C4orf50: variants seen among roughly 807,000 people sequenced by gnomAD.
The protein encoded by C4orf50 is chromosome 4 open reading frame 50, also known as uncharacterized protein C4orf50.
A neutral mutation model predicts 77.2 loss-of-function variants in C4orf50; 80 were observed. The ratio of observed to expected loss-of-function variants is 1.04; its 90% CI spans 0.87 to 1.25. C4orf50 has a LOEUF of 1.25. Ranked by LOEUF, C4orf50 falls within the 50% of genes most tolerant of loss-of-function variation. The pLI, the probability that C4orf50 is intolerant of heterozygous loss-of-function variation, is 0.00. For missense variants in C4orf50, 1,257 were observed against 1,152.9 expected (o/e 1.09, Z -1.31); for synonymous variants, 532 against 465.3 (o/e 1.14, Z -1.84).
At chr4:5,962,244 T>C (rs570414532) in intron 33 of C4orf50, among the ~76,000 whole-genome samples, 5 of 152,348 alleles carry the variant, frequency 3.3e-5, no homozygotes, top group African/African-American at 1.2e-4. Context: ...AAATTGACAT[T>C]CTGCCATCTT....
At chr4:5,917,802 C>T (rs1459926399) in intron 7 of C4orf50, among the ~76,000 whole-genome samples, 1 of 152,110 alleles carries the variant, frequency 6.6e-6, no homozygotes, top group Non-Finnish European at 1.5e-5. Context: ...AGCACTCCAG[C>T]ATTTCAGCTG....
At chr4:6,010,205 T>A (rs146140441) in intron 24 of C4orf50, among the ~76,000 whole-genome samples, 211 of 151,624 alleles carry the variant, frequency 1.4e-3, no homozygotes, top group African/African-American at 5.0e-3. Flanking sequence ...GGCAGAGGAG[T>A]CCCACTCAAC....
At chr4:5,902,140 A>C (rs1255845077) in intron 7 of C4orf50, 1 of 152,220 alleles carries the variant, frequency 6.6e-6, no homozygotes, top group African/African-American at 2.4e-5. Context: ...GGAAGCTGGA[A>C]ACCACACTTT....
intron 7 of C4orf50, among the ~76,000 whole-genome samples, chr4:5,909,830 G>T (rs1187233606): frequency 6.6e-6 from 1 of 152,176 alleles, no homozygotes; most frequent in Non-Finnish European, 1.5e-5. Flanking sequence ...ATGTGGATCT[G>T]TCTCTGTGTT....
At chr4:5,930,058 C>T (rs558515949) in intron 7 of C4orf50, among the ~76,000 whole-genome samples, 1 of 152,312 alleles carries the variant, frequency 6.6e-6, no homozygotes, top group South Asian at 2.1e-4. Flanking sequence ...GGCATGATGA[C>T]AACCAGGTGT....
intron 7 of C4orf50, among the ~76,000 whole-genome samples, chr4:5,937,418 G>A (rs540335439): frequency 6.6e-6 from 1 of 152,042 alleles, no homozygotes; most frequent in Admixed American, 6.5e-5. Flanking sequence ...TGTACACCTA[G>A]GGTGAAAAGT....
intron 7 of C4orf50, among the ~76,000 whole-genome samples, chr4:5,945,597 C>T (rs1181752038): frequency 6.6e-6 from 1 of 152,134 alleles, no homozygotes; most frequent in African/African-American, 2.4e-5. Context: ...AAGGCCTTCA[C>T]CTTGGAGAGG....
At chr4:5,926,660 C>T (rs1255341511) in intron 7 of C4orf50, among the ~76,000 whole-genome samples, 1 of 151,964 alleles carries the variant, frequency 6.6e-6, no homozygotes, top group Non-Finnish European at 1.5e-5. Context: ...CAGCACAGTA[C>T]CTGTGTCCCC....
Position 6,003,845 on chromosome 4 carries a change from A to ATGATGG in C4orf50, c.963+4145_963+4150dup, listed in dbSNP as rs1560597994. 5.8e-4 allele frequency among the ~76,000 whole-genome samples: 25 copies of ATGATGG among 43,304 alleles called. 1 individual carries two copies. In the East Asian group the frequency reaches 0.032, roughly 55 times the overall value. 28.4% of individuals were successfully genotyped at this position (43,304 alleles called of 152,430 possible). ...TGGTGATGGTGATGATGTGATAGTG[A>ATGATGG]TGATGGTGATGATGGTGATGGTGAT... On this transcript the variant is annotated intron_variant, in intron 25 of 33. Coordinates refer to ENST00000531445, the Ensembl canonical transcript of C4orf50.
At chr4:5,993,678 ATGG>A (rs1354999598) in intron 26 of C4orf50, among the ~76,000 whole-genome samples, 1 of 151,972 alleles carries the variant, frequency 6.6e-6, no homozygotes, top group Non-Finnish European at 1.5e-5. Flanking sequence ...TTAGCCGGGC[ATGG>A]TGGTGGGAGC....
At chr4:5,996,496 C>A (rs575073337) in intron 25 of C4orf50, among the ~76,000 whole-genome samples, 1 of 152,026 alleles carries the variant, frequency 6.6e-6, no homozygotes, top group Admixed American at 6.5e-5. Context: ...ACTCTTCTCC[C>A]CGCACCTCAG....
chr4:5,979,629 T>A (rs1720461825), intron 29 of C4orf50, among the ~76,000 whole-genome samples: 1 of 152,230 alleles, frequency 6.6e-6, no homozygotes, highest in Admixed American at 6.5e-5. Context: ...TGTACATGTT[T>A]TTTAGAGACA....
At chr4:5,899,060 G>C (rs752954561) in intron 7 of C4orf50, 1 of 152,174 alleles carries the variant, frequency 6.6e-6, no homozygotes, top group East Asian at 1.9e-4. Flanking sequence ...GCAGTTTTAG[G>C]TCCAACGTAC....
At chr4:5,991,009 G>A (rs1721254470) in intron 27 of C4orf50, among the ~76,000 whole-genome samples, 185 bp from the exon 6 acceptor site, 1 of 152,202 alleles carries the variant, frequency 6.6e-6, no homozygotes, top group African/African-American at 2.4e-5. Flanking sequence ...GCTCTGCCCA[G>A]AATGTCCTTC....
At chr4:5,939,397 G>C (rs1206439459) in intron 7 of C4orf50, among the ~76,000 whole-genome samples, 1 of 152,110 alleles carries the variant, frequency 6.6e-6, no homozygotes, top group Non-Finnish European at 1.5e-5. Context: ...GATCCAAAAT[G>C]GTCTCCCTAA....
exon 28 of C4orf50, chr4:5,988,552 G>A: frequency 6.5e-7 from 1 of 1,537,110 alleles, no homozygotes; most frequent in Non-Finnish European, 8.7e-7. Context: ...GCCTGTGGAA[G>A]GTCCTGTCTG....
intron 32 of C4orf50, among the ~76,000 whole-genome samples, chr4:5,966,404 G>C (rs781722006): frequency 4.6e-5 from 7 of 151,238 alleles, no homozygotes; most frequent in Non-Finnish European, 8.8e-5. Flanking sequence ...GCACTGAGGA[G>C]ACGGAGGTTG....
At chr4:5,989,454 A>G (rs1295128666) in exon 28 of C4orf50, 1 of 1,535,942 alleles carries the variant, frequency 6.5e-7, no homozygotes, top group Non-Finnish European at 8.7e-7. Context: ...CTTCATTAGA[A>G]CAAATACCCC....
rs1722664480 is a variant in C4orf50, at chr4:6,015,879, G to C, written c.287+2266C>G. ...CTGTCTCCCTCTCGCAAGGATACTT[G>C]TGATTGGTCTTAGAGACCAGCCGGC... On this transcript the variant is annotated intron_variant, in intron 23 of 33. Coordinates refer to ENST00000531445, the Ensembl canonical transcript of C4orf50. This position sits in a 1 kb window ranked among gnomAD's most constrained non-coding sequence, Gnocchi z 4.4. 6.6e-6 allele frequency among the ~76,000 whole-genome samples: 1 copy of C among 152,140 alleles called. No individual in the cohort carries two copies. The highest frequency in any genetic ancestry group is 6.5e-5 in the Admixed American group (1 of 15,270).
Sources: allele counts gnomAD v4.1 joint callset (sites outside exome capture counted in the v4.1 genomes callset), GRCh38; gene constraint gnomAD v4.1.1; non-coding constraint Gnocchi (gnomAD v3.1); transcripts MANE v1.5; gene names NCBI Gene and HGNC (gene_info 2026-07-23, HGNC 2026-07-21).